The following UST variants were observed in gnomAD, a reference collection of about 807,000 sequenced individuals.
UST encodes the protein chondroitin sulfate 2-O-sulfotransferase.
Under a neutral mutation model 45.6 loss-of-function variants are expected in UST, and 21 were observed. That is an observed-to-expected ratio of 0.46 (90% CI 0.33 to 0.66). The LOEUF (loss-of-function observed/expected upper bound fraction) is 0.66, where lower values mean the gene tolerates loss of function less well. Among genes scored for constraint, UST ranks in the 30% least tolerant of loss-of-function variants. UST has a pLI of 0.02. For synonymous variants in UST, 215 were observed against 200.6 expected, an observed-to-expected ratio of 1.07 and a Z score of -0.61; for missense variants, 463 against 512.4, an observed-to-expected ratio of 0.90 and a Z score of 0.93.
intron 1 of UST, among the ~76,000 whole-genome samples, chr6:148,844,149 A>G (rs1401958930): frequency 6.6e-6 from 1 of 152,182 alleles, no homozygotes; most frequent in African/African-American, 2.4e-5. Context: ...CTGTTTATGT[A>G]CTTCCATGTC....
intron 1 of UST, among the ~76,000 whole-genome samples, chr6:148,823,541 C>T (rs1477795415): frequency 2.0e-5 from 3 of 152,170 alleles, no homozygotes; most frequent in Admixed American, 6.5e-5. Context: ...AATCTATTAC[C>T]TACTGGTGCT....
At chr6:148,992,849 C>T (rs572810716) in intron 5 of UST, 1 of 275,756 alleles carries the variant, frequency 3.6e-6, no homozygotes, top group East Asian at 1.8e-4. Context: ...ATCTTAACCT[C>T]TTTTGTGTCA....
intron 1 of UST, among the ~76,000 whole-genome samples, chr6:148,772,305 C>T (rs1197289666): frequency 3.3e-5 from 5 of 152,156 alleles, no homozygotes; most frequent in Admixed American, 6.5e-5. Context: ...CAGTGTGAAT[C>T]GCACTGGGTG....
intron 7 of UST, among the ~76,000 whole-genome samples, chr6:149,066,605 G>A (rs375206453): frequency 7.9e-5 from 12 of 152,036 alleles, no homozygotes; most frequent in South Asian, 2.1e-4. Context: ...ATGTTTAGAC[G>A]GGGGATTTAG....
At chr6:148,756,310 G>T (rs1179963251) in intron 1 of UST, among the ~76,000 whole-genome samples, 2 of 152,168 alleles carry the variant, frequency 1.3e-5, no homozygotes, top group Admixed American at 1.3e-4. Flanking sequence ...TGCCATCATT[G>T]TAAGTTTCTT....
At chr6:148,921,756 T>C (rs909898169) in intron 2 of UST, among the ~76,000 whole-genome samples, 3 of 152,154 alleles carry the variant, frequency 2.0e-5, no homozygotes, top group Non-Finnish European at 4.4e-5. Flanking sequence ...ACAGAGGCCC[T>C]TCAGCATCCA....
chr6:148,946,813 CAAAAAA>C (rs60990121), intron 3 of UST, among the ~76,000 whole-genome samples: 1,142 of 56,642 alleles, frequency 0.02, 4 homozygotes, highest in African/African-American at 0.042. Flanking sequence ...GACTCCATCC[CAAAAAA>C]AAAAAAAAAA....
chr6:148,938,953 C>A (rs1478085291), intron 2 of UST, among the ~76,000 whole-genome samples: 2 of 151,954 alleles, frequency 1.3e-5, no homozygotes, highest in African/African-American at 4.8e-5. Flanking sequence ...TTGCACATAG[C>A]ATGATCTTAT....
At chr6:148,963,387 C>T (rs905981815) in intron 4 of UST, among the ~76,000 whole-genome samples, 2 of 152,148 alleles carry the variant, frequency 1.3e-5, no homozygotes, top group African/African-American at 4.8e-5. Flanking sequence ...GGGGCACTCT[C>T]CCCGAACTCC....
At chr6:148,839,940 A>T (rs1777858421) in intron 1 of UST, among the ~76,000 whole-genome samples, 2 of 152,174 alleles carry the variant, frequency 1.3e-5, no homozygotes, top group Non-Finnish European at 2.9e-5. Flanking sequence ...TTCCAAATTT[A>T]GAGCTTTTTT....
chr6:148,853,425 T>C (rs915999898), intron 1 of UST, among the ~76,000 whole-genome samples: 3 of 152,204 alleles, frequency 2.0e-5, no homozygotes, highest in African/African-American at 7.2e-5. Context: ...TGAATATACA[T>C]ATACAGATAT....
At chr6:148,984,265 A>C (rs185931078) in intron 5 of UST, among the ~76,000 whole-genome samples, 36 of 152,334 alleles carry the variant, frequency 2.4e-4, no homozygotes, top group African/African-American at 8.4e-4. Context: ...CAGAGTATAT[A>C]ATCTATCAGG....
intron 5 of UST, among the ~76,000 whole-genome samples, chr6:148,995,996 G>A (rs745536010): frequency 6.6e-6 from 1 of 152,166 alleles, no homozygotes; most frequent in Non-Finnish European, 1.5e-5. Context: ...GGGCAGAGTG[G>A]GGACAGACTG....
At chr6:149,070,717 A>T (rs1005695775) in intron 7 of UST, among the ~76,000 whole-genome samples, 3 of 150,740 alleles carry the variant, frequency 2.0e-5, no homozygotes, top group African/African-American at 7.3e-5. Flanking sequence ...CCCCTCAAGC[A>T]TTTATCCTTT....
chr6:148,937,388 T>C (rs1780044710), intron 2 of UST, among the ~76,000 whole-genome samples: 1 of 152,230 alleles, frequency 6.6e-6, no homozygotes, highest in East Asian at 1.9e-4. Context: ...GATGTTTTGT[T>C]CTTATAGACG....
chr6:148,903,648 T>G (rs944105262), intron 2 of UST, among the ~76,000 whole-genome samples: 4 of 141,644 alleles, frequency 2.8e-5, no homozygotes, highest in African/African-American at 1.1e-4. Flanking sequence ...TATTTCTCAG[T>G]ATTTGATTTG....
At chr6:148,850,730 A>G (rs1323364011) in intron 1 of UST, among the ~76,000 whole-genome samples, 1 of 152,198 alleles carries the variant, frequency 6.6e-6, no homozygotes, top group Non-Finnish European at 1.5e-5. Flanking sequence ...GGGAAAAATG[A>G]TGGAAAGAGA....
At chr6:148,912,816 A>G (rs565970232) in intron 2 of UST, among the ~76,000 whole-genome samples, 2 of 152,360 alleles carry the variant, frequency 1.3e-5, no homozygotes, top group African/African-American at 4.8e-5. Flanking sequence ...CAGAATGCCA[A>G]CAAGGTGGCT....
intron 1 of UST, among the ~76,000 whole-genome samples, chr6:148,886,748 A>G (rs1021529706): frequency 2.6e-5 from 4 of 152,190 alleles, no homozygotes; most frequent in Non-Finnish European, 4.4e-5. Context: ...TGTGTTATGT[A>G]TGTTTGTGTG....
Sources: allele counts gnomAD v4.1 joint callset (sites outside exome capture counted in the v4.1 genomes callset), GRCh38; gene constraint gnomAD v4.1.1; transcripts MANE v1.5; gene names NCBI Gene and HGNC (gene_info 2026-07-23, HGNC 2026-07-21).